GALNT5: variants seen among roughly 807,000 people sequenced by gnomAD.
GALNT5 encodes the protein UDP-GalNAc:polypeptide N-acetylgalactosaminyltransferase 5.
In GALNT5, 72 loss-of-function variants were observed where a neutral mutation model predicts 85.4. That is an observed-to-expected ratio of 0.84 (90% CI 0.70 to 1.03). The LOEUF (loss-of-function observed/expected upper bound fraction) is 1.03. Among genes scored for constraint, GALNT5 ranks in the 50% least tolerant of loss-of-function variants. GALNT5 has a pLI of 0.00. For missense variants in GALNT5, 1,137 were observed against 1,135.5 expected, an observed-to-expected ratio of 1.00 and a Z score of -0.02; for synonymous variants, 404 against 397.0, an observed-to-expected ratio of 1.02 and a Z score of -0.21.
intron 1 of GALNT5, among the ~76,000 whole-genome samples, chr2:157,273,630 CTT>C (rs35430045): frequency 2.7e-3 from 65 of 23,736 alleles, no homozygotes; most frequent in African/African-American, 0.02. Context: ...ATATTTCTTG[CTT>C]TTTTTTTTTT....
chr2:157,271,332 G>C (rs1009310434), intron 1 of GALNT5, among the ~76,000 whole-genome samples: 3 of 152,196 alleles, frequency 2.0e-5, no homozygotes, highest in African/African-American at 7.2e-5. Flanking sequence ...TTGGAAAGTT[G>C]AGCAGGGGTC....
rs1426198148 is a variant in GALNT5, at chr2:157,316,548, C to T, written c.*5200C>T. ...CTACTCATTGTGTAGGTTGTCACTA[C>T]TGTGCTTTTGCAACAACTTTTGCAT... On this transcript the variant is annotated 3_prime_UTR_variant, in exon 10 of 10. Coordinates refer to ENST00000259056, the MANE Select transcript of GALNT5 (RefSeq NM_014568.3). Among the ~76,000 whole-genome samples, 1 of 152,094 alleles carries T rather than the reference C, an allele frequency of 6.6e-6. No homozygotes were observed. Among genetic ancestry groups the T allele is most frequent in the Non-Finnish European group, 1.5e-5 (1 of 68,012 alleles).
At chr2:157,261,339 AT>A (rs1275744259) in intron 1 of GALNT5, among the ~76,000 whole-genome samples, 2 of 152,214 alleles carry the variant, frequency 1.3e-5, no homozygotes, top group African/African-American at 2.4e-5. Flanking sequence ...AGTGTGGCTC[AT>A]TGAAAGCTCG....
At position 157,318,336 on chromosome 2, in the gene GALNT5, G is replaced by C. The variant is rs1045490353; in HGVS notation, c.*6988G>C. Among the ~76,000 whole-genome samples the C allele has an allele frequency of 1.3e-5, 2 of 152,020 alleles. No homozygotes were observed. The highest frequency in any genetic ancestry group is 2.4e-5 in the African/African-American group (1 of 41,394). On this transcript the variant is annotated 3_prime_UTR_variant, in exon 10 of 10. Coordinates refer to ENST00000259056, the MANE Select transcript of GALNT5 (RefSeq NM_014568.3). ...TTACAGAGATTTCTTCAAGTTGTTC[G>C]TGTTAAGATGCATCTTAAACATGAT...
At chr2:157,288,173 A>C (rs1322236979) in intron 3 of GALNT5, among the ~76,000 whole-genome samples, 1 of 152,176 alleles carries the variant, frequency 6.6e-6, no homozygotes, top group African/African-American at 2.4e-5. Flanking sequence ...TGCTTACCTG[A>C]GTTTAATTTT....
intron 1 of GALNT5, among the ~76,000 whole-genome samples, chr2:157,265,127 G>T (rs1245709704): frequency 6.6e-6 from 1 of 152,172 alleles, no homozygotes; most frequent in African/African-American, 2.4e-5. Context: ...ATTTGTGTGT[G>T]CACGTGCATG....
In GALNT5 at chr2:157,258,054, G is replaced by C; in HGVS notation, c.-29G>C. The C allele has an allele frequency of 6.2e-7, 1 of 1,608,768 alleles. No homozygotes were observed. The highest frequency in any genetic ancestry group is 1.3e-5 in the African/African-American group (1 of 75,016). On this transcript the variant is annotated 5_prime_UTR_variant, in exon 1 of 10. Coordinates refer to ENST00000259056, the MANE Select transcript of GALNT5 (RefSeq NM_014568.3). ...CACTCAAGGTAAGCAGGCTAAGGGA[G>C]GGCAGGCTGCTAGGGAAAGCTTTGT...
At chr2:157,306,409 A>G (rs144544152) in intron 8 of GALNT5, among the ~76,000 whole-genome samples, 65 of 152,304 alleles carry the variant, frequency 4.3e-4, no homozygotes, top group African/African-American at 1.5e-3. Context: ...AGAAACTCCT[A>G]TAGGAAAACT....
At chr2:157,265,807 G>T (rs569082356) in intron 1 of GALNT5, among the ~76,000 whole-genome samples, 3 of 152,152 alleles carry the variant, frequency 2.0e-5, no homozygotes, top group Admixed American at 1.3e-4. Context: ...GTTTGCTTTC[G>T]AAATGAAAGG....
intron 5 of GALNT5, 32 bp downstream of exon 5, chr2:157,296,545 GTCATGTA>G: frequency 6.4e-7 from 1 of 1,553,910 alleles, no homozygotes; most frequent in Non-Finnish European, 8.8e-7. Flanking sequence ...CTAGAAAGCA[GTCATGTA>G]TCTTTTTGTA....
At chr2:157,306,090 T>C (rs1683449735) in intron 8 of GALNT5, among the ~76,000 whole-genome samples, 1 of 152,182 alleles carries the variant, frequency 6.6e-6, no homozygotes, top group Non-Finnish European at 1.5e-5. Flanking sequence ...GCAGATTCCT[T>C]AACCTTTGGG....
At chr2:157,288,549 T>A (rs1683023600) in intron 3 of GALNT5, among the ~76,000 whole-genome samples, 1 of 152,202 alleles carries the variant, frequency 6.6e-6, no homozygotes, top group Non-Finnish European at 1.5e-5. Flanking sequence ...AGAAATAAGT[T>A]CATTTTGACT....
intron 1 of GALNT5, among the ~76,000 whole-genome samples, chr2:157,279,782 G>A (rs1682817594): frequency 6.6e-6 from 1 of 152,224 alleles, no homozygotes; most frequent in South Asian, 2.1e-4. Flanking sequence ...CCTGGGTGAG[G>A]TGATGCCCCA....
intron 1 of GALNT5, among the ~76,000 whole-genome samples, chr2:157,266,703 C>T (rs1682465913): frequency 6.6e-6 from 1 of 151,972 alleles, no homozygotes; most frequent in Non-Finnish European, 1.5e-5. Context: ...ATCCATTGTC[C>T]CAGCAAACTA....
rs1305792976 is a variant in GALNT5, at chr2:157,312,625, C to A, written c.*1277C>A. On this transcript the variant is annotated 3_prime_UTR_variant, in exon 10 of 10. Transcript: ENST00000259056. ...GAAGACACCTTAGAAATCAGGATAG[C>A]CTTTGCATTCATTTTGGTAAGAAAA... 6.6e-6 allele frequency: 1 copy of A among 152,148 alleles called. No individual in the cohort carries two copies. 9.4% of individuals were successfully genotyped at this position (152,148 alleles called of 1,614,324 possible).
At chr2:157,272,343 A>G (rs886130033) in intron 1 of GALNT5, among the ~76,000 whole-genome samples, 1 of 152,112 alleles carries the variant, frequency 6.6e-6, no homozygotes, top group Non-Finnish European at 1.5e-5. Context: ...ACAAAATACT[A>G]TCCTTTCCCT....
At position 157,259,237 on chromosome 2, in the gene GALNT5, A is replaced by C; in HGVS notation, c.1155A>C (p.Leu385Phe). 1.2e-6 allele frequency: 2 copies of C among 1,608,534 alleles called. No individual in the cohort carries two copies. The highest frequency in any genetic ancestry group is 1.7e-6 in the Non-Finnish European group (2 of 1,177,736). Reference protein sequence around the residue: ...RVPLSQTNHALTGGLEPAKIN... With the variant: ...RVPLSQTNHAFTGGLEPAKIN... ...CACTGTCCCAAACTAACCATGCTTT[A>C]ACTGGAGGGCTAGAGCCAGCAAAAA... The change falls in exon 1 of 10, where the codon TTA becomes TTC. Residue 385 changes from leucine (L) to phenylalanine (F), a missense_variant. By Grantham distance (22) the Leu-to-Phe change is conservative. Coordinates refer to ENST00000259056, the MANE Select transcript of GALNT5 (RefSeq NM_014568.3).
intron 3 of GALNT5, among the ~76,000 whole-genome samples, chr2:157,286,754 G>A (rs1297891062): frequency 2.0e-5 from 3 of 151,878 alleles, no homozygotes; most frequent in Non-Finnish European, 4.4e-5. Flanking sequence ...CGCCCGCCTC[G>A]GCCTCCCAAA....
intron 1 of GALNT5, among the ~76,000 whole-genome samples, chr2:157,283,602 A>G (rs890383099): frequency 5.3e-5 from 8 of 152,244 alleles, no homozygotes; most frequent in African/African-American, 1.9e-4. Flanking sequence ...ATATTATGCC[A>G]TAAGTACATA....
Sources: allele counts gnomAD v4.1 joint callset (sites outside exome capture counted in the v4.1 genomes callset), GRCh38; gene constraint gnomAD v4.1.1; transcripts MANE v1.5; gene names NCBI Gene and HGNC (gene_info 2026-07-23, HGNC 2026-07-21).